KIAA1549L: variants seen among roughly 807,000 people sequenced by gnomAD.
KIAA1549L encodes KIAA1549 like.
A neutral mutation model predicts 160.7 loss-of-function variants in KIAA1549L; 88 were observed. The ratio of observed to expected loss-of-function variants is 0.55; its 90% CI spans 0.46 to 0.65. The LOEUF is 0.65. KIAA1549L is among the 30% of genes least tolerant of loss of function. The pLI is 0.00. For missense variants in KIAA1549L, 2,258 were observed against 2,437.5 expected, an observed-to-expected ratio of 0.93 and a Z score of 1.55; for synonymous variants, 950 against 976.7, an observed-to-expected ratio of 0.97 and a Z score of 0.51.
Position 33,560,035 on chromosome 11 carries a change from T to A in KIAA1549L, c.4018+124T>A, listed in dbSNP as rs1008106121. 9 of 921,644 alleles carry A rather than the reference T, an allele frequency of 9.8e-6. No homozygotes were observed. In the Admixed American group the frequency reaches 1.9e-4, roughly 19 times the overall value. 57.1% of individuals were successfully genotyped at this position (921,644 alleles called of 1,614,324 possible). Reference sequence around the variant, plus strand: ...ATCATAAAGTGACAGCTAAAATATGTGATGGATTAAGGTGACAGCTAAATA... The same window carrying A: ...ATCATAAAGTGACAGCTAAAATATGAGATGGATTAAGGTGACAGCTAAATA... On this transcript the variant is annotated intron_variant, in intron 7 of 20. Transcript: ENST00000658780.
intron 10 of KIAA1549L, among the ~76,000 whole-genome samples, chr11:33,580,469 G>C (rs966569839): frequency 6.6e-6 from 1 of 151,354 alleles, no homozygotes; most frequent in Non-Finnish European, 1.5e-5. Flanking sequence ...AGCTACTTGG[G>C]AGGCTGATGC....
chr11:33,552,380 C>T (rs1017086613), intron 6 of KIAA1549L, 139 bp downstream of exon 6: 125 of 946,390 alleles, frequency 1.3e-4, no homozygotes, highest in Middle Eastern at 6.6e-4. Context: ...GTGAGGATGT[C>T]TGGGGTATGG....
At chr11:33,562,094 A>C (rs1854878561) in intron 8 of KIAA1549L, among the ~76,000 whole-genome samples, 1 of 152,170 alleles carries the variant, frequency 6.6e-6, no homozygotes. Flanking sequence ...ACCCAAATTA[A>C]AGTTAGAGGA....
chr11:33,574,767 C>T lies in KIAA1549L; in HGVS notation c.4296C>T (p.Tyr1432=). The stretch of plus-strand genomic sequence containing the variant: ...CGGAGCTGACTTACTATACCCTGTA[C>T]AACGGGAAGCCTTTGTTGGGGACCG... The part of the protein sequence containing the change: ...DPAELTYYTL[Y]NGKPLLGTAA... The change falls in exon 10 of 21, where the codon TAC becomes TAT. Residue 1432 remains tyrosine (Y), a synonymous_variant. Coordinates refer to ENST00000658780, the MANE Select transcript of KIAA1549L (RefSeq NM_012194.3). 6.2e-7 allele frequency: 1 copy of T among 1,613,972 alleles called. No homozygotes were observed. The highest frequency in any genetic ancestry group is 8.5e-7 in the Non-Finnish European group (1 of 1,179,842).
intron 1 of KIAA1549L, among the ~76,000 whole-genome samples, chr11:33,385,828 T>C (rs1392850684): frequency 6.6e-6 from 1 of 152,150 alleles, no homozygotes; most frequent in African/African-American, 2.4e-5. Flanking sequence ...TTTATAGTTT[T>C]CCACATACAA....
At position 33,671,474 on chromosome 11, in the gene KIAA1549L, CAGG is replaced by C. The variant is rs2133476054; in HGVS notation, c.*3323_*3325del. The C allele has an allele frequency of 6.7e-6, 1 of 150,338 alleles. No homozygotes were observed. Among genetic ancestry groups the C allele is most frequent in the East Asian group, 2.0e-4 (1 of 5,080 alleles). 9.3% of individuals were successfully genotyped at this position (150,338 alleles called of 1,614,324 possible). On this transcript the variant is annotated 3_prime_UTR_variant, in exon 21 of 21. Transcript: ENST00000658780. ...TATGTAAGAATCAATTCCCTGGTCCCAGGAGAAGTTTTATTGTGAGTTTGTTAA... is the reference window on the plus strand; with the variant it reads ...TATGTAAGAATCAATTCCCTGGTCCCAGAAGTTTTATTGTGAGTTTGTTAA...
chr11:33,440,512 T>C (rs996284665), intron 1 of KIAA1549L, among the ~76,000 whole-genome samples: 6 of 152,238 alleles, frequency 3.9e-5, no homozygotes, highest in African/African-American at 7.2e-5. Context: ...TGTATTAATT[T>C]AACAAGGTCT....
intron 1 of KIAA1549L, among the ~76,000 whole-genome samples, chr11:33,537,203 A>G (rs1453533941): frequency 2.6e-5 from 4 of 152,018 alleles, no homozygotes; most frequent in African/African-American, 9.7e-5. Context: ...GTTAACTTTT[A>G]TTCATTCTTT....
chr11:33,605,160 G>A (rs1850467214), intron 13 of KIAA1549L, among the ~76,000 whole-genome samples: 1 of 122,154 alleles, frequency 8.2e-6, no homozygotes, highest in Non-Finnish European at 1.6e-5. Flanking sequence ...TTTTTGTTTT[G>A]TTTTGTTTTG....
At chr11:33,527,968 C>T (rs1313416907) in intron 1 of KIAA1549L, among the ~76,000 whole-genome samples, 1 of 152,134 alleles carries the variant, frequency 6.6e-6, no homozygotes, top group Non-Finnish European at 1.5e-5. Context: ...GTGCTGTTCT[C>T]ATGATAGTGA....
chr11:33,473,031 A>G (rs1462789818), intron 1 of KIAA1549L, among the ~76,000 whole-genome samples: 3 of 152,188 alleles, frequency 2.0e-5, no homozygotes, highest in African/African-American at 7.2e-5. Flanking sequence ...AGGGTCTCAA[A>G]TAGGGTCACA....
intron 10 of KIAA1549L, among the ~76,000 whole-genome samples, chr11:33,578,706 C>T (rs568437758): frequency 3.3e-5 from 5 of 152,294 alleles, no homozygotes; most frequent in South Asian, 4.1e-4. Context: ...AGCCGTGTGG[C>T]CTGCGTTTCT....
At chr11:33,428,868 A>C (rs1851173737) in intron 1 of KIAA1549L, among the ~76,000 whole-genome samples, 1 of 152,206 alleles carries the variant, frequency 6.6e-6, no homozygotes. Context: ...TCCTTGAGGA[A>C]TTGCCACACT....
At chr11:33,446,522 C>T (rs1851615459) in intron 1 of KIAA1549L, among the ~76,000 whole-genome samples, 1 of 152,110 alleles carries the variant, frequency 6.6e-6, no homozygotes, top group African/African-American at 2.4e-5. Context: ...TTACGAGGGA[C>T]ATTTCTTACC....
chr11:33,599,380 T>A (rs1352751275), intron 13 of KIAA1549L: 1 of 153,972 alleles, frequency 6.5e-6, no homozygotes, highest in Admixed American at 6.4e-5. Flanking sequence ...TTTCCTGCCC[T>A]GACTCCCCTG....
At chr11:33,650,919 TC>T (rs1851865463) in intron 17 of KIAA1549L, among the ~76,000 whole-genome samples, 1 of 152,124 alleles carries the variant, frequency 6.6e-6, no homozygotes, top group Non-Finnish European at 1.5e-5. Flanking sequence ...AGACACAGGT[TC>T]CTTGTCTTTC....
intron 1 of KIAA1549L, among the ~76,000 whole-genome samples, chr11:33,469,958 C>T (rs1213529034): frequency 4.6e-5 from 7 of 152,152 alleles, no homozygotes; most frequent in Non-Finnish European, 7.4e-5. Flanking sequence ...TATTTTCTTC[C>T]ATTCTGTGGG....
chr11:33,633,090 C>G (rs959235413), intron 16 of KIAA1549L, among the ~76,000 whole-genome samples: 1 of 146,760 alleles, frequency 6.8e-6, no homozygotes, highest in Non-Finnish European at 1.5e-5. Flanking sequence ...ATTCTCCTGT[C>G]TCAGCCTCCC....
intron 1 of KIAA1549L, among the ~76,000 whole-genome samples, chr11:33,417,929 C>T (rs1478574793): frequency 6.6e-6 from 1 of 152,164 alleles, no homozygotes; most frequent in Non-Finnish European, 1.5e-5. Context: ...AGGTGCCCAC[C>T]ACCACGCCCA....
Sources: gnomAD v4.1 joint callset for allele counts (sites outside exome capture counted in the v4.1 genomes callset) on GRCh38, gnomAD v4.1.1 for gene constraint, MANE v1.5 for transcripts, NCBI Gene and HGNC (gene_info 2026-07-23, HGNC 2026-07-21) for gene names.